GSS: variants seen among roughly 807,000 people sequenced by gnomAD.
GSS encodes the protein GSH synthetase.
GSS carries 34 observed loss-of-function variants against 60.4 expected under a neutral mutation model. The ratio of observed to expected loss-of-function variants is 0.56; its 90% CI spans 0.43 to 0.75. The LOEUF (loss-of-function observed/expected upper bound fraction) is 0.75. GSS is among the 30% of genes least tolerant of loss of function. The probability of loss-of-function intolerance (pLI) is 0.00; values close to 1 mark genes in which losing one functional copy is unlikely to be tolerated. For synonymous variants in GSS, 224 were observed against 239.0 expected, an observed-to-expected ratio of 0.94 and a Z score of 0.58; for missense variants, 499 against 595.1, an observed-to-expected ratio of 0.84 and a Z score of 1.68.
intron 8 of GSS, among the ~76,000 whole-genome samples, chr20:34,935,961 C>T (rs374630530): frequency 9.2e-5 from 14 of 152,126 alleles, no homozygotes; most frequent in South Asian, 4.1e-4. Context: ...TCGAAATTAC[C>T]GAGCAGCAGA....
chr20:34,942,480 G>A lies in GSS; in HGVS notation c.491+8C>T, dbSNP rs1255158878. 4 of 1,612,768 alleles carry A rather than the reference G, an allele frequency of 2.5e-6. No homozygotes were observed. Among genetic ancestry groups the A allele is most frequent in the South Asian group, 1.1e-5 (1 of 91,042 alleles). Reference sequence around the variant, plus strand: ...ACAGGTATGCCGGGGGCTGCCCAGGGGACCCACCGGTGCACAGCTGGGGTC... The same window carrying A: ...ACAGGTATGCCGGGGGCTGCCCAGGAGACCCACCGGTGCACAGCTGGGGTC... On this transcript the variant is annotated splice_region_variant and intron_variant, in intron 5 of 12. Transcript: ENST00000651619.
Position 34,941,770 on chromosome 20 carries a change from G to A in GSS, c.551C>T (p.Pro184Leu). Residue 184 changes from proline (P) to leucine (L), a missense_variant, in exon 6 of 13, where the codon CCC becomes CTC. Pro to Leu is a moderately conservative substitution (Grantham distance 98). Coordinates refer to ENST00000651619, the MANE Select transcript of GSS (RefSeq NM_000178.4). ...AATTCCCAGGGCCAGTCCCTTGCTG[G>A]GATTATTAGAGAGGATCTTGCCAGC... ...KEAGKILSNN[P>L]SKGLALGIAK... 1 of 1,612,058 alleles carries A rather than the reference G, an allele frequency of 6.2e-7. No homozygotes were observed. The highest frequency in any genetic ancestry group is 8.5e-7 in the Non-Finnish European group (1 of 1,179,508).
chr20:34,932,000 C>G lies in GSS; in HGVS notation c.968G>C (p.Gly323Ala). ...GAGGCGGGCCACAGCCTCAGGCTGG[C>G]CAGGGAGCAACATCTCCAGCATGCC... ...RPGMLEMLLP[G>A]QPEAVARLRA... is the part of the protein sequence containing the mutation. Residue 323 changes from glycine (G) to alanine (A), a missense_variant, in exon 10 of 13, where the codon GGC (glycine) becomes GCC (alanine). Transcript: ENST00000651619. The G allele has an allele frequency of 6.2e-7, 1 of 1,614,212 alleles. No individual in the cohort carries two copies.
rs1212020005 is a variant in GSS at position 34,942,595 on chromosome 20, G to A, written c.384C>T (p.Tyr128=). The change falls in exon 5 of 13, where the codon TAC becomes TAT. Residue 128 remains tyrosine, a synonymous_variant. Coordinates refer to ENST00000651619, the MANE Select transcript of GSS (RefSeq NM_000178.4). ...AGCCATCTGCGCTGCGCTGGAACAT[G>A]TAGTCTGAGCGATTCAGGCCCAGGA... ...TVFLGLNRSD[Y]MFQRSADGSP... is the part of the protein sequence containing the mutation. 6.2e-7 allele frequency: 1 copy of A among 1,614,014 alleles called. No individual in the cohort carries two copies. The highest frequency in any genetic ancestry group is 8.5e-7 in the Non-Finnish European group (1 of 1,179,896).
In GSS at chr20:34,929,251, T is replaced by C. The variant is rs1194473726; in HGVS notation, c.1301+150A>G. The C allele has an allele frequency of 1.1e-5, 9 of 785,728 alleles. No homozygotes were observed. In the East Asian group the frequency reaches 1.8e-4, roughly 16 times the overall value. 48.7% of individuals were successfully genotyped at this position (785,728 alleles called of 1,614,324 possible). On this transcript the variant is annotated intron_variant, in intron 12 of 12. Coordinates refer to ENST00000651619, the MANE Select transcript of GSS (RefSeq NM_000178.4). Reference sequence around the variant, plus strand: ...TGGGTCCTTGGCCTCATTTAATAGATAAAGAAACAGGTAATAAAGCTAGTG... The same window carrying C: ...TGGGTCCTTGGCCTCATTTAATAGACAAAGAAACAGGTAATAAAGCTAGTG...
chr20:34,951,946 C>T (rs1273454474), intron 1 of GSS, 86 bp from the exon 2 acceptor site: 5 of 1,371,556 alleles, frequency 3.6e-6, no homozygotes, highest in Non-Finnish European at 5.1e-6. Flanking sequence ...ACCCCCAACA[C>T]AGCAGGACCC....
chr20:34,942,493 C>T lies in GSS; in HGVS notation c.486G>A (p.Val162=), dbSNP rs2081491126. Residue 162 remains valine, a synonymous_variant, in exon 5 of 13, where the codon GTG becomes GTA. Coordinates refer to ENST00000651619, the MANE Select transcript of GSS (RefSeq NM_000178.4). The stretch of plus-strand genomic sequence containing the variant: ...GGGCTGCCCAGGGGACCCACCGGTG[C>T]ACAGCTGGGGTCCGGGAGGCCAGGC... ...FGGLASRTPA[V]HRHVLSVLSK... is the part of the protein sequence containing the mutation. 1.2e-6 allele frequency: 2 copies of T among 1,613,542 alleles called. No homozygotes were observed. Among genetic ancestry groups the T allele is most frequent in the Non-Finnish European group, 1.7e-6 (2 of 1,179,912 alleles).
intron 9 of GSS, among the ~76,000 whole-genome samples, chr20:34,932,828 T>G (rs989653664): frequency 1.3e-5 from 2 of 151,904 alleles, no homozygotes; most frequent in Non-Finnish European, 2.9e-5. Flanking sequence ...ATCCCAATTT[T>G]TTTTTCCTAT....
At chr20:34,930,283 G>T (rs1194247415) in intron 11 of GSS, among the ~76,000 whole-genome samples, 1 of 147,020 alleles carries the variant, frequency 6.8e-6, no homozygotes, top group Non-Finnish European at 1.5e-5. Flanking sequence ...AAAAAAAATT[G>T]TTAACTTCCA....
chr20:34,930,264 CAA>C (rs34585562), intron 11 of GSS, among the ~76,000 whole-genome samples: 6 of 130,596 alleles, frequency 4.6e-5, no homozygotes, highest in African/African-American at 5.7e-5. Context: ...GAATCCGTCT[CAA>C]AAAAAAAAAA....
At chr20:34,953,024 A>G (rs1296788537) in intron 1 of GSS, among the ~76,000 whole-genome samples, 1 of 152,236 alleles carries the variant, frequency 6.6e-6, no homozygotes, top group African/African-American at 2.4e-5. Context: ...GCAAGATGGA[A>G]ATTGCTGAAA....
At chr20:34,952,245 G>C (rs539479880) in intron 1 of GSS, 1 of 315,470 alleles carries the variant, frequency 3.2e-6, no homozygotes, top group Admixed American at 4.2e-5. Flanking sequence ...ACTAATATCA[G>C]ATGTGACTGG....
In GSS at chr20:34,928,798, G is replaced by A; in HGVS notation, c.*30C>T. 1 of 1,613,576 alleles carries A rather than the reference G, an allele frequency of 6.2e-7. No homozygotes were observed. Among genetic ancestry groups the A allele is most frequent in the South Asian group, 1.1e-5 (1 of 91,036 alleles). On this transcript the variant is annotated 3_prime_UTR_variant, in exon 13 of 13. Coordinates refer to ENST00000651619, the MANE Select transcript of GSS (RefSeq NM_000178.4). ...TAGGAGAGGAATGACAAATACAGAGGATAGAAGGTCCCGTGGCCTGGTTGT... is the reference window on the plus strand; with the variant it reads ...TAGGAGAGGAATGACAAATACAGAGAATAGAAGGTCCCGTGGCCTGGTTGT...
intron 11 of GSS, among the ~76,000 whole-genome samples, chr20:34,929,947 C>T (rs1249035791): frequency 6.6e-6 from 1 of 152,148 alleles, no homozygotes; most frequent in Non-Finnish European, 1.5e-5. Flanking sequence ...CTCTCCTATT[C>T]CTGAGTCTCC....
intron 1 of GSS, among the ~76,000 whole-genome samples, chr20:34,953,492 A>G (rs1215140319): frequency 6.6e-6 from 1 of 152,072 alleles, no homozygotes; most frequent in Non-Finnish European, 1.5e-5. Context: ...TGAGTCCATA[A>G]TAATACGACT....
At position 34,945,946 on chromosome 20, in the gene GSS, C is replaced by T; in HGVS notation, c.275+7G>A. The stretch of plus-strand genomic sequence containing the variant: ...TCCTGGCCCCCCAATGCTTCACTGT[C>T]CCCTACCTGGAAAGAGTTTGCTCCA... On this transcript the variant is annotated splice_region_variant and intron_variant, in intron 3 of 12. Transcript: ENST00000651619. 2 of 1,613,930 alleles carry T rather than the reference C, an allele frequency of 1.2e-6. No individual in the cohort carries two copies. Among genetic ancestry groups the T allele is most frequent in the Non-Finnish European group, 1.7e-6 (2 of 1,179,900 alleles).
chr20:34,938,038 A>T (rs1360055663), intron 6 of GSS, among the ~76,000 whole-genome samples: 3 of 151,914 alleles, frequency 2.0e-5, no homozygotes, highest in Non-Finnish European at 2.9e-5. Flanking sequence ...TTGTAGTTTG[A>T]GTAGAGATGG....
chr20:34,928,484 C>A lies in GSS; in HGVS notation c.*344G>T. ...GGCAGAATTAGGGAAAGGCTATGCCCCTCCACTCCCCCTCCTCCTACCACT... is the reference window on the plus strand; with the variant it reads ...GGCAGAATTAGGGAAAGGCTATGCCACTCCACTCCCCCTCCTCCTACCACT... On this transcript the variant is annotated 3_prime_UTR_variant, in exon 13 of 13. Coordinates refer to ENST00000651619, the MANE Select transcript of GSS (RefSeq NM_000178.4). 2.4e-6 allele frequency: 1 copy of A among 418,060 alleles called. No individual in the cohort carries two copies. Among genetic ancestry groups the A allele is most frequent in the Non-Finnish European group, 4.5e-6 (1 of 223,310 alleles). 25.9% of individuals were successfully genotyped at this position (418,060 alleles called of 1,614,324 possible).
intron 1 of GSS, 69 bp downstream of exon 1, chr20:34,955,657 AC>A (rs571577616): frequency 1.2e-3 from 175 of 151,948 alleles, no homozygotes; most frequent in African/African-American, 4.1e-3. Flanking sequence ...CTCTTGCCAG[AC>A]CCCTCCCTCA....
Sources: gnomAD v4.1 joint callset for allele counts (sites outside exome capture counted in the v4.1 genomes callset) on GRCh38, gnomAD v4.1.1 for gene constraint, MANE v1.5 for transcripts, NCBI Gene and HGNC (gene_info 2026-07-23, HGNC 2026-07-21) for gene names.